GRM7: variants seen among roughly 807,000 people sequenced by gnomAD.
The protein encoded by GRM7 is metabotropic glutamate receptor 7.
Under a neutral mutation model 84.5 loss-of-function variants are expected in GRM7, and 35 were observed. The ratio of observed to expected loss-of-function variants is 0.41; its 90% CI spans 0.32 to 0.55. GRM7 has a LOEUF of 0.55. Among genes scored for constraint, GRM7 ranks in the 20% least tolerant of loss-of-function variants. The pLI is 0.19. For synonymous variants in GRM7, 487 were observed against 455.1 expected (o/e 1.07, Z -0.89); for missense variants, 1,003 against 1,194.6 (o/e 0.84, Z 2.36).
chr3:7,572,870 AT>A lies in GRM7; in HGVS notation c.1516-5551del, dbSNP rs1424880275. 6.2e-4 allele frequency among the ~76,000 whole-genome samples: 42 copies of A among 67,806 alleles called. 4 individuals are homozygous for A. The highest frequency in any genetic ancestry group is 1.7e-3 in the Admixed American group (10 of 6,020). 44.5% of individuals were successfully genotyped at this position (67,806 alleles called of 152,430 possible). On this transcript the variant is annotated intron_variant, in intron 7 of 9. Coordinates refer to ENST00000357716, the MANE Select transcript of GRM7 (RefSeq NM_000844.4). ...TATATATATATATATATATATATAT[AT>A]ATATATATAAATAATCTTTCTACCT... is the stretch of plus-strand genomic sequence containing the variant.
At chr3:7,440,428 G>A (rs1293377246) in intron 5 of GRM7, among the ~76,000 whole-genome samples, 1 of 152,110 alleles carries the variant, frequency 6.6e-6, no homozygotes. Flanking sequence ...ATTTACAGTT[G>A]CAATCACTAG....
intron 1 of GRM7, among the ~76,000 whole-genome samples, chr3:7,006,477 CTG>C (rs1224309888): frequency 6.6e-6 from 1 of 152,188 alleles, no homozygotes; most frequent in Non-Finnish European, 1.5e-5. Flanking sequence ...ATTGTAAAGA[CTG>C]TTCATCTAAT....
At chr3:7,489,302 C>T (rs1699437520) in intron 7 of GRM7, among the ~76,000 whole-genome samples, 1 of 152,134 alleles carries the variant, frequency 6.6e-6, no homozygotes, top group Non-Finnish European at 1.5e-5. Flanking sequence ...TCCGTTTCCT[C>T]CCCCTCCACT....
chr3:7,112,070 G>A (rs1443500942), intron 1 of GRM7, among the ~76,000 whole-genome samples: 1 of 152,154 alleles, frequency 6.6e-6, no homozygotes, highest in Admixed American at 6.5e-5. Context: ...ATTTTTCAGA[G>A]CTGTTAACAC....
chr3:7,087,124 C>T lies in GRM7; in HGVS notation c.520-59328C>T, dbSNP rs893404553. On this transcript the variant is annotated intron_variant, in intron 1 of 9. Coordinates refer to ENST00000357716, the MANE Select transcript of GRM7 (RefSeq NM_000844.4). ...GGGGTAATGTTTCAAAAACAACCTC[C>T]AAATGATTGATAAGCATGTGCTTTC... Among the ~76,000 whole-genome samples the T allele has an allele frequency of 2.6e-5, 4 of 152,042 alleles. No individual in the cohort carries two copies. The East Asian group carries it at 7.7e-4, about 29-fold the overall frequency.
chr3:7,432,983 A>G (rs1006908100), intron 5 of GRM7, among the ~76,000 whole-genome samples: 2 of 152,232 alleles, frequency 1.3e-5, no homozygotes, highest in Non-Finnish European at 2.9e-5. Context: ...AATTTTCACA[A>G]CTGAAGAAAG....
chr3:7,701,363 C>G (rs912560711), intron 9 of GRM7, among the ~76,000 whole-genome samples: 1 of 146,274 alleles, frequency 6.8e-6, no homozygotes, highest in African/African-American at 2.5e-5. Flanking sequence ...TGCAGTGGCA[C>G]GATCTCGGCT....
intron 1 of GRM7, among the ~76,000 whole-genome samples, chr3:7,112,366 A>G (rs975786112): frequency 6.6e-6 from 1 of 151,962 alleles, no homozygotes; most frequent in African/African-American, 2.4e-5. Context: ...CTGGGACTAC[A>G]GGCATGTGCT....
chr3:7,542,551 AT>A (rs35372177), intron 7 of GRM7, among the ~76,000 whole-genome samples: 2,099 of 136,596 alleles, frequency 0.015, 16 homozygotes, highest in South Asian at 0.031. Context: ...ATGCATAGCA[AT>A]TTTTTTTTTT....
intron 8 of GRM7, among the ~76,000 whole-genome samples, chr3:7,643,479 G>A (rs1048690671): frequency 8.5e-5 from 13 of 152,166 alleles, no homozygotes; most frequent in African/African-American, 2.7e-4. Flanking sequence ...TGGAAATCCA[G>A]AGTTTTACAT....
At chr3:7,200,352 G>T (rs1249354322) in intron 2 of GRM7, among the ~76,000 whole-genome samples, 2 of 152,188 alleles carry the variant, frequency 1.3e-5, no homozygotes, top group Non-Finnish European at 2.9e-5. Flanking sequence ...AGGGAAGGGG[G>T]TTGGGAAGTT....
chr3:6,894,557 G>A (rs1696102654), intron 1 of GRM7, among the ~76,000 whole-genome samples: 1 of 151,786 alleles, frequency 6.6e-6, no homozygotes. Flanking sequence ...CTCTATAGGT[G>A]TATATATATA....
intron 1 of GRM7, among the ~76,000 whole-genome samples, chr3:7,010,569 C>T (rs554558403): frequency 1.7e-4 from 26 of 152,230 alleles, no homozygotes; most frequent in African/African-American, 2.4e-5. Flanking sequence ...GATAAACAAC[C>T]GAATCAGATA....
In GRM7 at chr3:6,869,315, C is replaced by G. The variant is rs542121146; in HGVS notation, c.519+7408C>G. 4.1e-4 allele frequency among the ~76,000 whole-genome samples: 63 copies of G among 152,202 alleles called. No homozygotes were observed. In the South Asian group the frequency reaches 0.013, roughly 31 times the overall value. On this transcript the variant is annotated intron_variant, in intron 1 of 9. Coordinates refer to ENST00000357716, the MANE Select transcript of GRM7 (RefSeq NM_000844.4). ...TTGGAATGGGTATAATAAAAATGTA[C>G]CTGTCTGATAGAGTAATTGCAAGGA...
chr3:7,644,560 G>A (rs1363791816), intron 8 of GRM7, among the ~76,000 whole-genome samples: 1 of 152,092 alleles, frequency 6.6e-6, no homozygotes, highest in South Asian at 2.1e-4. Context: ...AGGAAAAAAT[G>A]TTATTCCTCA....
intron 1 of GRM7, among the ~76,000 whole-genome samples, chr3:6,870,204 C>G (rs184289719): frequency 6.6e-6 from 1 of 152,002 alleles, no homozygotes; most frequent in African/African-American, 2.4e-5. Context: ...TGAAGATGGT[C>G]GGGTTGGTAG....
chr3:7,190,038 C>A (rs1424006576), intron 2 of GRM7, among the ~76,000 whole-genome samples: 1 of 152,066 alleles, frequency 6.6e-6, no homozygotes, highest in Non-Finnish European at 1.5e-5. Context: ...TCATGATAAG[C>A]AAATTGTTCT....
At chr3:7,637,928 G>T (rs989110763) in intron 8 of GRM7, among the ~76,000 whole-genome samples, 3 of 152,186 alleles carry the variant, frequency 2.0e-5, no homozygotes, top group Admixed American at 2.0e-4. Flanking sequence ...GATCTCAGCA[G>T]ACTCAGTAAG....
chr3:7,359,272 G>A (rs1315026349), intron 4 of GRM7, among the ~76,000 whole-genome samples: 1 of 137,508 alleles, frequency 7.3e-6, no homozygotes, highest in African/African-American at 2.9e-5. Flanking sequence ...TTTATACTCA[G>A]GTTTTCCCTT....
Sources: gnomAD v4.1 joint callset for allele counts (sites outside exome capture counted in the v4.1 genomes callset) on GRCh38, gnomAD v4.1.1 for gene constraint, MANE v1.5 for transcripts, NCBI Gene and HGNC (gene_info 2026-07-23, HGNC 2026-07-21) for gene names.